The following STXBP5L variants were observed in gnomAD, a reference collection of about 807,000 sequenced individuals.
STXBP5L encodes the protein syntaxin-binding protein 5-like.
In STXBP5L, 65 loss-of-function variants were observed where a neutral mutation model predicts 144.5. The observed-to-expected ratio is 0.45, with a 90% confidence interval of 0.37 to 0.55. The LOEUF (loss-of-function observed/expected upper bound fraction) is 0.55, where lower values mean the gene tolerates loss of function less well. Ranked by LOEUF, STXBP5L falls within the 20% of genes least tolerant of loss-of-function variation. The pLI, the probability that STXBP5L is intolerant of heterozygous loss-of-function variation, is 0.00. For missense variants in STXBP5L, 1,298 were observed against 1,405.5 expected (o/e 0.92, Z 1.22); for synonymous variants, 505 against 469.6 (o/e 1.08, Z -0.97).
chr3:120,975,756 G>C (rs887872953), intron 3 of STXBP5L, among the ~76,000 whole-genome samples: 2 of 152,046 alleles, frequency 1.3e-5, no homozygotes, highest in African/African-American at 2.4e-5. Context: ...AGCATGAAGA[G>C]TTGTTGAATT....
At chr3:121,056,202 G>A (rs1389539993) in intron 5 of STXBP5L, among the ~76,000 whole-genome samples, 1 of 152,190 alleles carries the variant, frequency 6.6e-6, no homozygotes, top group South Asian at 2.1e-4. Flanking sequence ...CTTGATTTTT[G>A]TAATGCATGA....
chr3:121,353,583 A>G (rs528923287), intron 20 of STXBP5L, among the ~76,000 whole-genome samples: 8 of 151,908 alleles, frequency 5.3e-5, no homozygotes, highest in African/African-American at 1.9e-4. Context: ...TTTCTTCTGT[A>G]TTAGTCTTGG....
At chr3:121,328,710 A>G (rs1577469736) in intron 20 of STXBP5L, among the ~76,000 whole-genome samples, 1 of 152,072 alleles carries the variant, frequency 6.6e-6, no homozygotes, top group East Asian at 1.9e-4. Flanking sequence ...AGATCGCACC[A>G]CTGCACTCCA....
Position 121,216,205 on chromosome 3 carries a change from C to T in STXBP5L, c.957-6798C>T, listed in dbSNP as rs556986740. Among the ~76,000 whole-genome samples the T allele has an allele frequency of 5.9e-5, 9 of 152,318 alleles. No individual in the cohort carries two copies. In the South Asian group the frequency reaches 1.9e-3, roughly 32 times the overall value. On this transcript the variant is annotated intron_variant, in intron 10 of 26. Coordinates refer to ENST00000471454, the MANE Select transcript of STXBP5L (RefSeq NM_001308330.2). The stretch of plus-strand genomic sequence containing the variant: ...AGCCTACATCTTTCAATTCATCAAA[C>T]TCATTCTCCATCCAGTTTTGTTCCC...
intron 5 of STXBP5L, among the ~76,000 whole-genome samples, chr3:121,092,719 A>G (rs1386746961): frequency 6.6e-6 from 1 of 152,236 alleles, no homozygotes; most frequent in Non-Finnish European, 1.5e-5. Flanking sequence ...ATCTGCAAAC[A>G]GGGACAATTT....
intron 2 of STXBP5L, among the ~76,000 whole-genome samples, chr3:120,946,276 A>G (rs1710852171): frequency 6.6e-6 from 1 of 151,758 alleles, no homozygotes; most frequent in Admixed American, 6.6e-5. Context: ...CCATGATTGT[A>G]CGGTGTCAAT....
At chr3:121,219,199 A>G (rs1448977551) in intron 10 of STXBP5L, among the ~76,000 whole-genome samples, 1 of 152,128 alleles carries the variant, frequency 6.6e-6, no homozygotes, top group African/African-American at 2.4e-5. Context: ...GGAGGTTAAA[A>G]AGCAGAGGGG....
At chr3:121,240,363 T>C in intron 13 of STXBP5L, 77 bp from the exon 14 acceptor site, 1 of 1,322,604 alleles carries the variant, frequency 7.6e-7, no homozygotes, top group Non-Finnish European at 1.1e-6. Context: ...TTTTTATCAT[T>C]ATTTTAAGCT....
chr3:121,399,180 T>C (rs1277315421), intron 22 of STXBP5L, among the ~76,000 whole-genome samples: 1 of 152,176 alleles, frequency 6.6e-6, no homozygotes, highest in African/African-American at 2.4e-5. Flanking sequence ...GTGAAAAAGT[T>C]CCAAGGTGGA....
At chr3:120,960,579 A>G (rs1233486770) in intron 3 of STXBP5L, among the ~76,000 whole-genome samples, 11 of 152,364 alleles carry the variant, frequency 7.2e-5, no homozygotes, top group African/African-American at 2.6e-4. Flanking sequence ...CTATGCTGCC[A>G]TAAAGAAGGA....
rs2047331317 is a variant in STXBP5L, at chr3:121,420,477, A to G, written c.*1380A>G. Reference sequence around the variant, plus strand: ...TTGTCCCTTATTAAAGACTCTTTTAAAGCTGGAATAAAGAATATCCTTAAC... The same window carrying G: ...TTGTCCCTTATTAAAGACTCTTTTAGAGCTGGAATAAAGAATATCCTTAAC... On this transcript the variant is annotated 3_prime_UTR_variant, in exon 27 of 27. Transcript: ENST00000471454. 1 of 152,156 alleles carries G rather than the reference A, an allele frequency of 6.6e-6. No individual in the cohort carries two copies. Among genetic ancestry groups the G allele is most frequent in the African/African-American group, 2.4e-5 (1 of 41,452 alleles). The allele number at this position is 152,156 out of a possible 1,614,324, so 9.4% of individuals were successfully genotyped here.
rs368841056 is a variant in STXBP5L, at chr3:121,206,030, G to A, written c.956+29G>A. 2.1e-5 allele frequency: 28 copies of A among 1,356,050 alleles called. No homozygotes were observed. The African/African-American group carries it at 2.4e-4, about 12-fold the overall frequency. The allele number at this position is 1,356,050 out of a possible 1,614,324, so 84.0% of individuals were successfully genotyped here. A position where few individuals can be genotyped will look rare whatever the true frequency, so the allele number is the denominator to read the frequency against. ...TGCATTTTTACTTTAGGGAAAGAGG[G>A]ATACGAAGCAGAGACAAAAAATGCA... On this transcript the variant is annotated intron_variant, in intron 10 of 26. Coordinates refer to ENST00000471454, the MANE Select transcript of STXBP5L (RefSeq NM_001308330.2).
At chr3:121,246,804 C>A (rs1043739288) in intron 14 of STXBP5L, among the ~76,000 whole-genome samples, 2 of 152,048 alleles carry the variant, frequency 1.3e-5, no homozygotes, top group Non-Finnish European at 2.9e-5. Context: ...AAAAACATTA[C>A]GCTAAGTGCA....
intron 9 of STXBP5L, among the ~76,000 whole-genome samples, chr3:121,160,508 A>ATT (rs2046283877): frequency 6.6e-6 from 1 of 152,238 alleles, no homozygotes; most frequent in Admixed American, 6.5e-5. Context: ...TCTAGAGATG[A>ATT]TTTAAAGTAT....
At chr3:120,910,272 C>A (rs560360628) in intron 2 of STXBP5L, among the ~76,000 whole-genome samples, 3 of 152,218 alleles carry the variant, frequency 2.0e-5, no homozygotes, top group African/African-American at 7.2e-5. Context: ...CACAAACAGA[C>A]AAATGCACAG....
chr3:120,972,690 T>A (rs1048911013), intron 3 of STXBP5L, among the ~76,000 whole-genome samples: 1 of 152,106 alleles, frequency 6.6e-6, no homozygotes, highest in Non-Finnish European at 1.5e-5. Flanking sequence ...TTGAGTATGA[T>A]GTTGGCTGTG....
chr3:120,922,330 T>C (rs987164316), intron 2 of STXBP5L, among the ~76,000 whole-genome samples: 4 of 152,136 alleles, frequency 2.6e-5, no homozygotes, highest in African/African-American at 9.6e-5. Context: ...CCTGCAACTT[T>C]ACTGAATTTG....
intron 2 of STXBP5L, among the ~76,000 whole-genome samples, chr3:120,932,848 C>A (rs1710020387): frequency 6.6e-6 from 1 of 151,970 alleles, no homozygotes; most frequent in African/African-American, 2.4e-5. Flanking sequence ...ACATATACAC[C>A]ATGGAATACT....
At chr3:121,006,170 T>G (rs1407190954) in intron 3 of STXBP5L, among the ~76,000 whole-genome samples, 1 of 152,180 alleles carries the variant, frequency 6.6e-6, no homozygotes. Flanking sequence ...TCTCCCATTA[T>G]TTTTGTGTGG....
Sources: allele counts gnomAD v4.1 joint callset (sites outside exome capture counted in the v4.1 genomes callset), GRCh38; gene constraint gnomAD v4.1.1; transcripts MANE v1.5; gene names NCBI Gene and HGNC (gene_info 2026-07-23, HGNC 2026-07-21).